The following COL14A1 variants were observed in gnomAD, a reference collection of about 807,000 sequenced individuals.
COL14A1 encodes the protein collagen alpha-1(XIV) chain.
A neutral mutation model predicts 230.3 loss-of-function variants in COL14A1; 136 were observed. The ratio of observed to expected loss-of-function variants is 0.59; its 90% CI spans 0.51 to 0.68. The LOEUF is 0.68. Among genes scored for constraint, COL14A1 ranks in the 30% least tolerant of loss-of-function variants. The probability of loss-of-function intolerance (pLI) is 0.00; values close to 1 mark genes in which losing one functional copy is unlikely to be tolerated. For synonymous variants in COL14A1, 792 were observed against 784.1 expected (o/e 1.01, Z -0.17); for missense variants, 1,976 against 2,215.8 (o/e 0.89, Z 2.17).
intron 34 of COL14A1, among the ~76,000 whole-genome samples, chr8:120,292,935 T>C (rs1052385052): frequency 2.6e-5 from 4 of 152,090 alleles, no homozygotes; most frequent in Non-Finnish European, 1.5e-5. Flanking sequence ...TGTTCAGCAA[T>C]GCAAGATTGT....
chr8:120,312,445 T>C (rs1270915300), intron 37 of COL14A1, among the ~76,000 whole-genome samples: 1 of 152,220 alleles, frequency 6.6e-6, no homozygotes, highest in Non-Finnish European at 1.5e-5. Flanking sequence ...AACACTTCTT[T>C]GTTTGAAAAT....
chr8:120,143,771 C>G (rs999088041), intron 1 of COL14A1, among the ~76,000 whole-genome samples: 2 of 151,954 alleles, frequency 1.3e-5, no homozygotes, highest in Non-Finnish European at 2.9e-5. Flanking sequence ...TAATCCCTCT[C>G]ATGGTGGGAA....
At chr8:120,244,366 T>C (rs1818701519) in intron 20 of COL14A1, among the ~76,000 whole-genome samples, 1 of 152,196 alleles carries the variant, frequency 6.6e-6, no homozygotes, top group African/African-American at 2.4e-5. Flanking sequence ...ACTCTCTCTT[T>C]TATTTTCATT....
intron 44 of COL14A1, among the ~76,000 whole-genome samples, chr8:120,344,259 C>T (rs1822419025): frequency 3.3e-5 from 5 of 152,246 alleles, no homozygotes. Flanking sequence ...TACACTACTT[C>T]AGTTTTCTCT....
chr8:120,152,161 G>T (rs1349195809), intron 2 of COL14A1, among the ~76,000 whole-genome samples: 1 of 151,946 alleles, frequency 6.6e-6, no homozygotes, highest in East Asian at 1.9e-4. Context: ...GATAATCAAC[G>T]AATATAGCTA....
intron 24 of COL14A1, among the ~76,000 whole-genome samples, chr8:120,265,966 G>A (rs886567056): frequency 1.3e-5 from 2 of 151,934 alleles, no homozygotes; most frequent in Non-Finnish European, 2.9e-5. Context: ...GCTTAGTATC[G>A]CCTGAGGCTA....
chr8:120,134,967 A>G (rs1814662789), intron 1 of COL14A1, among the ~76,000 whole-genome samples: 1 of 152,182 alleles, frequency 6.6e-6, no homozygotes, highest in Non-Finnish European at 1.5e-5. Flanking sequence ...AGAGTAAGTG[A>G]GATTCCATCA....
chr8:120,249,810 T>C (rs1818884122), intron 21 of COL14A1, among the ~76,000 whole-genome samples: 1 of 152,198 alleles, frequency 6.6e-6, no homozygotes, highest in Non-Finnish European at 1.5e-5. Flanking sequence ...GTCATTTGCA[T>C]TGTACGTGTG....
chr8:120,260,896 G>C (rs1030809381), intron 23 of COL14A1, among the ~76,000 whole-genome samples: 7 of 152,188 alleles, frequency 4.6e-5, no homozygotes, highest in African/African-American at 1.7e-4. Flanking sequence ...ATTTACATTT[G>C]CTTAGAATAT....
chr8:120,217,007 G>A (rs1817771641), intron 14 of COL14A1, among the ~76,000 whole-genome samples: 1 of 152,144 alleles, frequency 6.6e-6, no homozygotes, highest in Admixed American at 6.5e-5. Context: ...TTATAGGTGG[G>A]GAGAAACACA....
At chr8:120,328,075 C>T (rs1251874852) in intron 40 of COL14A1, among the ~76,000 whole-genome samples, 2 of 151,986 alleles carry the variant, frequency 1.3e-5, no homozygotes, top group Non-Finnish European at 2.9e-5. Flanking sequence ...TGTGCAGTAC[C>T]TATTTTGTGT....
At chr8:120,262,818 TC>T (rs753446369) in intron 23 of COL14A1, 49 bp from the exon 24 acceptor site, 2 of 1,566,224 alleles carry the variant, frequency 1.3e-6, no homozygotes, top group Non-Finnish European at 1.7e-6. Context: ...TGGCTGTGTT[TC>T]AAAAATTTCA....
chr8:120,272,655 G>T (rs1205051154), intron 26 of COL14A1, among the ~76,000 whole-genome samples: 1 of 151,260 alleles, frequency 6.6e-6, no homozygotes, highest in Admixed American at 6.6e-5. Context: ...TCTTATGTCA[G>T]ATAAAACAGA....
chr8:120,297,595 A>G lies in COL14A1; in HGVS notation c.4314+7A>G. The G allele has an allele frequency of 1.5e-6, 2 of 1,367,592 alleles. No individual in the cohort carries two copies. Among genetic ancestry groups the G allele is most frequent in the Non-Finnish European group, 1.9e-6 (2 of 1,049,908 alleles). 84.7% of individuals were successfully genotyped at this position (1,367,592 alleles called of 1,614,324 possible). Reference sequence around the variant, plus strand: ...CTGTGAACTTCCAGGCCTGGTAAGAATTCTTCCTTCATTTCTATTGATTTT... The same window carrying G: ...CTGTGAACTTCCAGGCCTGGTAAGAGTTCTTCCTTCATTTCTATTGATTTT... On this transcript the variant is annotated splice_region_variant and intron_variant, in intron 35 of 47. Transcript: ENST00000297848.
chr8:120,361,841 C>T lies in COL14A1; in HGVS notation c.5078-5330C>T, dbSNP rs547712799. 2.0e-5 allele frequency among the ~76,000 whole-genome samples: 3 copies of T among 152,260 alleles called. No homozygotes were observed. In the South Asian group the frequency reaches 6.2e-4, roughly 32 times the overall value. On this transcript the variant is annotated intron_variant, in intron 45 of 47. Coordinates refer to ENST00000297848, the MANE Select transcript of COL14A1 (RefSeq NM_021110.4). Reference sequence around the variant, plus strand: ...GGCCATAAAAATGAATAAAATCTCCCAACTCAGAGGCCAACAGGCCAAAGA... The same window carrying T: ...GGCCATAAAAATGAATAAAATCTCCTAACTCAGAGGCCAACAGGCCAAAGA...
At chr8:120,326,678 G>T (rs186342770) in intron 40 of COL14A1, among the ~76,000 whole-genome samples, 158 of 152,202 alleles carry the variant, frequency 1.0e-3, no homozygotes, top group African/African-American at 3.6e-3. Context: ...TTTATAATAA[G>T]AAAATTTTCA....
intron 6 of COL14A1, 104 bp from the exon 7 acceptor site, chr8:120,197,706 AT>A: frequency 8.0e-7 from 1 of 1,257,288 alleles, no homozygotes; most frequent in Non-Finnish European, 1.1e-6. Context: ...AAAATAAAAA[AT>A]TTTTGCAAAG....
At chr8:120,274,505 G>A (rs1174103502) in intron 26 of COL14A1, among the ~76,000 whole-genome samples, 1 of 151,616 alleles carries the variant, frequency 6.6e-6, no homozygotes, top group South Asian at 2.1e-4. Flanking sequence ...AATAATAAAG[G>A]GCATCCAAAC....
intron 3 of COL14A1, among the ~76,000 whole-genome samples, chr8:120,160,351 T>G (rs1365105717): frequency 6.6e-6 from 1 of 152,210 alleles, no homozygotes; most frequent in Non-Finnish European, 1.5e-5. Flanking sequence ...TTCAAGTGAT[T>G]GGTAGCTTAA....
Sources: allele counts gnomAD v4.1 joint callset (sites outside exome capture counted in the v4.1 genomes callset), GRCh38; gene constraint gnomAD v4.1.1; transcripts MANE v1.5; gene names NCBI Gene and HGNC (gene_info 2026-07-23, HGNC 2026-07-21).